SV2C: variants seen among roughly 807,000 people sequenced by gnomAD.
SV2C encodes the protein solute carrier family 22 member B3.
A neutral mutation model predicts 79.7 loss-of-function variants in SV2C; 49 were observed. The ratio of observed to expected loss-of-function variants is 0.61; its 90% confidence interval spans 0.49 to 0.78. The LOEUF (loss-of-function observed/expected upper bound fraction) is 0.78, where lower values mean the gene tolerates loss of function less well. Among genes scored for constraint, SV2C ranks in the 30% least tolerant of loss-of-function variants. The pLI is 0.00. For synonymous variants in SV2C, 334 were observed against 333.2 expected (o/e 1.00, Z -0.03); for missense variants, 833 against 912.9 (o/e 0.91, Z 1.13).
At chr5:76,182,855 A>G (rs566947685) in intron 2 of SV2C, among the ~76,000 whole-genome samples, 3 of 152,130 alleles carry the variant, frequency 2.0e-5, no homozygotes, top group East Asian at 3.9e-4. Flanking sequence ...GAAGCTTCCA[A>G]TCATGGTAGA....
In SV2C at chr5:76,333,953, T is replaced by A. The variant is rs563507175; in HGVS notation, c.*8406T>A. ...TTTTTTTTGCTCCATTATATTCAAA[T>A]ACAGATTGCTGTGTGACTGGCTTCC... On this transcript the variant is annotated 3_prime_UTR_variant, in exon 13 of 13. Coordinates refer to ENST00000502798, the MANE Select transcript of SV2C (RefSeq NM_014979.4). 1 of 151,844 alleles carries A rather than the reference T, an allele frequency of 6.6e-6. No homozygotes were observed. The highest frequency in any genetic ancestry group is 1.9e-4 in the East Asian group (1 of 5,174). The allele number at this position is 151,844 out of a possible 1,614,324, so 9.4% of individuals were successfully genotyped here.
chr5:75,987,978 T>A, the SV2C span, among the ~76,000 whole-genome samples: 5 of 152,126 alleles, frequency 3.3e-5, no homozygotes, highest in Admixed American at 6.6e-5. Flanking sequence ...GTAAAATGAG[T>A]ATAAAACACC....
the SV2C span, among the ~76,000 whole-genome samples, chr5:75,851,030 A>G: frequency 4.4e-4 from 67 of 152,266 alleles, no homozygotes; most frequent in Middle Eastern, 6.8e-3. Context: ...CCACCAGCCT[A>G]ACTCCTTTTC....
At chr5:75,896,218 C>G in the SV2C span, among the ~76,000 whole-genome samples, 1 of 140,102 alleles carries the variant, frequency 7.1e-6, no homozygotes, top group Non-Finnish European at 1.5e-5. Flanking sequence ...CCCCCCGCCC[C>G]CTACCCCACA....
intron 12 of SV2C, among the ~76,000 whole-genome samples, chr5:76,311,978 G>A (rs1414472111): frequency 6.6e-6 from 1 of 152,162 alleles, no homozygotes; most frequent in African/African-American, 2.4e-5. Context: ...ATCTCTTGAA[G>A]TCTTCAAAAT....
chr5:76,271,895 T>C (rs1266237402), intron 4 of SV2C, among the ~76,000 whole-genome samples: 1 of 152,204 alleles, frequency 6.6e-6, no homozygotes, highest in Non-Finnish European at 1.5e-5. Context: ...GAGAGTATGA[T>C]GTCCCCTTGC....
At chr5:76,108,271 A>G (rs953024738) in intron 1 of SV2C, among the ~76,000 whole-genome samples, 1 of 152,338 alleles carries the variant, frequency 6.6e-6, no homozygotes, top group East Asian at 1.9e-4. Flanking sequence ...AAAGATAGGT[A>G]GTTAAACAAT....
At chr5:76,000,269 T>C in the SV2C span, among the ~76,000 whole-genome samples, 1,275 of 152,162 alleles carry the variant, frequency 8.4e-3, 26 homozygotes, top group African/African-American at 0.029. Flanking sequence ...CCCCTACATA[T>C]ATTTTTACCC....
chr5:75,990,883 C>T, the SV2C span, among the ~76,000 whole-genome samples: 18 of 152,002 alleles, frequency 1.2e-4, no homozygotes, highest in African/African-American at 3.9e-4. Context: ...GACTACAATG[C>T]ATTGGCTGTG....
rs1175282237 is a variant in SV2C at position 76,285,886 on chromosome 5, A to G, written c.1137+16A>G. The G allele has an allele frequency of 6.2e-7, 1 of 1,605,788 alleles. No homozygotes were observed. Among genetic ancestry groups the G allele is most frequent in the South Asian group, 1.1e-5 (1 of 89,948 alleles). On this transcript the variant is annotated intron_variant, in intron 6 of 12. Coordinates refer to ENST00000502798, the MANE Select transcript of SV2C (RefSeq NM_014979.4). ...GGTCTTCACGGTGAGTCTTCTCCCC[A>G]GAGAATCCTCAACACCAGGGATTGG...
the SV2C span, among the ~76,000 whole-genome samples, chr5:75,996,933 C>T: frequency 4.4e-5 from 5 of 112,684 alleles, no homozygotes; most frequent in Non-Finnish European, 1.0e-4. Flanking sequence ...TCTGCAAACA[C>T]GGACAATTTG....
At chr5:76,084,957 C>T (rs1747131240) in intron 1 of SV2C, among the ~76,000 whole-genome samples, 1 of 152,126 alleles carries the variant, frequency 6.6e-6, no homozygotes, top group South Asian at 2.1e-4. Flanking sequence ...CCCGGGGGAC[C>T]GAGGAGATGA....
the SV2C span, among the ~76,000 whole-genome samples, chr5:75,848,661 G>A: frequency 1.3e-5 from 2 of 152,096 alleles, no homozygotes; most frequent in Non-Finnish European, 2.9e-5. Flanking sequence ...TCATACCTGT[G>A]TGGGTCAGCC....
the SV2C span, among the ~76,000 whole-genome samples, chr5:75,993,009 T>G: frequency 2.0e-5 from 3 of 152,024 alleles, no homozygotes; most frequent in East Asian, 5.8e-4. Flanking sequence ...TAATCCAAAC[T>G]TAAAGAGTAT....
chr5:76,268,562 G>T (rs1044078033), intron 4 of SV2C, among the ~76,000 whole-genome samples: 1 of 152,308 alleles, frequency 6.6e-6, no homozygotes, highest in Middle Eastern at 3.4e-3. Context: ...TATTCCTGAG[G>T]ACTCACGGGA....
At chr5:76,059,626 A>G in the SV2C span, among the ~76,000 whole-genome samples, 7 of 152,164 alleles carry the variant, frequency 4.6e-5, no homozygotes, top group East Asian at 9.7e-4. Context: ...CACATCTGCA[A>G]TTACTTCCTC....
chr5:76,343,987 C>G (rs1749491282), intron 12 of SV2C, among the ~76,000 whole-genome samples: 1 of 151,778 alleles, frequency 6.6e-6, no homozygotes, highest in South Asian at 2.1e-4. Flanking sequence ...CGTCACTGCA[C>G]TCTAGCCTGG....
chr5:76,017,509 C>G, the SV2C span, among the ~76,000 whole-genome samples: 7 of 152,116 alleles, frequency 4.6e-5, no homozygotes, highest in African/African-American at 1.4e-4. Context: ...AAACTCCTGA[C>G]TTCAAGTGGT....
chr5:76,121,406 C>G (rs1748492536), intron 1 of SV2C, among the ~76,000 whole-genome samples: 1 of 150,978 alleles, frequency 6.6e-6, no homozygotes, highest in African/African-American at 2.4e-5. Flanking sequence ...GCTTTTGTTG[C>G]CATTGCTTTT....
Sources: gnomAD v4.1 joint callset for allele counts (sites outside exome capture counted in the v4.1 genomes callset) on GRCh38, gnomAD v4.1.1 for gene constraint, MANE v1.5 for transcripts, NCBI Gene and HGNC (gene_info 2026-07-23, HGNC 2026-07-21) for gene names.